Variants in PI4K2A observed in about 807,000 individuals in gnomAD.
PI4K2A encodes phosphatidylinositol 4-kinase type 2-alpha.
Under a neutral mutation model 55.0 loss-of-function variants are expected in PI4K2A, and 20 were observed. That is an observed-to-expected ratio of 0.36 (90% CI 0.26 to 0.53). PI4K2A has a LOEUF of 0.53. Ranked by LOEUF, PI4K2A falls within the 20% of genes least tolerant of loss-of-function variation. PI4K2A has a pLI of 0.91. For synonymous variants in PI4K2A, 235 were observed against 258.5 expected (o/e 0.91, Z 0.87); for missense variants, 463 against 637.1 (o/e 0.73, Z 2.94).
At chr10:97,662,856 A>C in intron 4 of PI4K2A, 51 bp from the exon 5 acceptor site, 3 of 1,229,194 alleles carry the variant, frequency 2.4e-6, no homozygotes, top group Non-Finnish European at 3.6e-6. Context: ...CCATTACAAA[A>C]ATGGAAAATC....
chr10:97,665,925 T>C (rs1276217970), intron 6 of PI4K2A, among the ~76,000 whole-genome samples: 2 of 152,206 alleles, frequency 1.3e-5, no homozygotes, highest in African/African-American at 4.8e-5. Context: ...TTTTATTGTT[T>C]TAGTGTATAT....
rs550164694 is a variant in PI4K2A, at chr10:97,675,576, G to A, written c.*1834G>A. 2.0e-5 allele frequency: 3 copies of A among 152,578 alleles called. No individual in the cohort carries two copies. The East Asian group carries it at 5.8e-4, about 29-fold the overall frequency. 9.5% of individuals were successfully genotyped at this position (152,578 alleles called of 1,614,324 possible). ...TCTGTAGACATTTTTACCCAAACCT[G>A]TTGGTAAAGTGCCCATCTGGTGCTC... On this transcript the variant is annotated 3_prime_UTR_variant, in exon 9 of 9. Coordinates refer to ENST00000370631, the Ensembl canonical transcript of PI4K2A.
chr10:97,661,374 A>T (rs1424765610), intron 4 of PI4K2A, among the ~76,000 whole-genome samples: 2 of 117,572 alleles, frequency 1.7e-5, no homozygotes, highest in Non-Finnish European at 3.5e-5. Flanking sequence ...AGAGATAAAG[A>T]CTTTTTTTTT....
intron 6 of PI4K2A, 79 bp downstream of exon 6, chr10:97,665,063 C>G: frequency 1.2e-6 from 1 of 838,524 alleles, no homozygotes; most frequent in South Asian, 1.5e-5. Flanking sequence ...ATGATAATGT[C>G]TCTATCATAG....
intron 2 of PI4K2A, 55 bp downstream of exon 2, chr10:97,651,196 C>T: frequency 7.4e-7 from 1 of 1,347,338 alleles, no homozygotes. Flanking sequence ...TTCCTGGGGC[C>T]TAAGCCCTGC....
Position 97,673,565 on chromosome 10 carries a change from C to T in PI4K2A, c.1279-16C>T. On this transcript the variant is annotated splice_polypyrimidine_tract_variant and intron_variant, in intron 8 of 8. Coordinates refer to ENST00000370631, the Ensembl canonical transcript of PI4K2A. ...CTGAGGCCTCTCCCTCACCCATCTC[C>T]TTTTTCCCACTGCAGATCTTAAATC... 1.2e-6 allele frequency: 2 copies of T among 1,613,120 alleles called. No homozygotes were observed. The highest frequency in any genetic ancestry group is 1.7e-6 in the Non-Finnish European group (2 of 1,179,202).
intron 1 of PI4K2A, among the ~76,000 whole-genome samples, chr10:97,642,841 TCC>T (rs1491528745): frequency 0.18 from 3,258 of 18,222 alleles, 419 homozygotes; most frequent in Non-Finnish European, 0.27. Flanking sequence ...CTTCCTTCCT[TCC>T]TTCCTTCCTT....
chr10:97,642,836 TTCCTTC>T (rs1564772215), intron 1 of PI4K2A, among the ~76,000 whole-genome samples: 6 of 3,594 alleles, frequency 1.7e-3, no homozygotes, highest in South Asian at 7.0e-3. Flanking sequence ...CCTTCCTTCC[TTCCTTC>T]CTTCCTTCCT....
chr10:97,651,779 C>T (rs1002913750), intron 2 of PI4K2A, among the ~76,000 whole-genome samples: 4 of 151,484 alleles, frequency 2.6e-5, no homozygotes, highest in Non-Finnish European at 4.4e-5. Flanking sequence ...CCCACCCCCA[C>T]CAATATGCTT....
intron 1 of PI4K2A, 143 bp downstream of exon 1, chr10:97,641,320 C>A: frequency 1.6e-6 from 1 of 627,690 alleles, no homozygotes; most frequent in Non-Finnish European, 2.7e-6. Context: ...CCACTGAGGA[C>A]TGGAGCTGGG....
chr10:97,656,270 T>C lies in PI4K2A; in HGVS notation c.637-15T>C, dbSNP rs748094718. On this transcript the variant is annotated splice_polypyrimidine_tract_variant and intron_variant, in intron 2 of 8. Transcript: ENST00000370631. The surrounding 1 kb of genome is among the most constrained non-coding windows in gnomAD (Gnocchi z 4.5). ...ACTTGACTCTAACCTTAGTATCTCT[T>C]CTCTTTCACTGTAGGTAGTATACCT... 6.2e-7 allele frequency: 1 copy of C among 1,609,942 alleles called. No individual in the cohort carries two copies. Among genetic ancestry groups the C allele is most frequent in the Admixed American group, 1.7e-5 (1 of 59,886 alleles).
At chr10:97,653,274 T>A (rs905942461) in intron 2 of PI4K2A, among the ~76,000 whole-genome samples, 4 of 152,154 alleles carry the variant, frequency 2.6e-5, no homozygotes, top group African/African-American at 9.7e-5. Flanking sequence ...AGGACTTGAG[T>A]TTGAATTCTT....
At chr10:97,673,638 A>G in exon 9 of PI4K2A, 1 of 1,614,090 alleles carries the variant, frequency 6.2e-7, no homozygotes, top group Non-Finnish European at 8.5e-7. Context: ...CCTCGTCCAG[A>G]TGCCACCTGT....
At chr10:97,662,227 T>C (rs960321807) in intron 4 of PI4K2A, among the ~76,000 whole-genome samples, 3 of 152,246 alleles carry the variant, frequency 2.0e-5, no homozygotes, top group Non-Finnish European at 2.9e-5. Context: ...TGTATATTTT[T>C]ATTGTTTGGA....
At chr10:97,673,540 C>T (rs2065672) in intron 8 of PI4K2A, 41 bp from the exon 9 acceptor site, 322,978 of 1,574,896 alleles carry the variant, frequency 0.21, 36,535 homozygotes, top group East Asian at 0.41. Context: ...ATCTGGAATG[C>T]TGAGGCCTCT....
intron 2 of PI4K2A, among the ~76,000 whole-genome samples, chr10:97,651,790 G>T: frequency 6.8e-6 from 1 of 147,028 alleles, no homozygotes; most frequent in East Asian, 2.0e-4. Flanking sequence ...CAATATGCTT[G>T]AATACAGAAT....
exon 6 of PI4K2A, chr10:97,664,965 T>G: frequency 6.2e-7 from 1 of 1,612,354 alleles, no homozygotes; most frequent in South Asian, 1.1e-5. Flanking sequence ...CACTGAAGCA[T>G]CCTGACTCCT....
At chr10:97,659,579 CT>C (rs1226899488) in intron 4 of PI4K2A, among the ~76,000 whole-genome samples, 2 of 151,858 alleles carry the variant, frequency 1.3e-5, no homozygotes, top group Non-Finnish European at 1.5e-5. Flanking sequence ...CATCTTTTCA[CT>C]GTTCTTGATT....
chr10:97,663,826 TA>T (rs35736231), intron 5 of PI4K2A, among the ~76,000 whole-genome samples: 52,928 of 118,282 alleles, frequency 0.45, 10,669 homozygotes, highest in African/African-American at 0.52. Context: ...TCTCAAAAAT[TA>T]AAAAAAAAAA....
Sources: gnomAD v4.1 joint callset for allele counts (sites outside exome capture counted in the v4.1 genomes callset) on GRCh38, gnomAD v4.1.1 for gene constraint, Gnocchi (gnomAD v3.1) non-coding constraint, MANE v1.5 for transcripts, NCBI Gene and HGNC (gene_info 2026-07-23, HGNC 2026-07-21) for gene names.